KLHL29: variants seen among roughly 807,000 people sequenced by gnomAD.
KLHL29 encodes kelch like family member 29, also known as kelch-like protein 29.
A neutral mutation model predicts 80.4 loss-of-function variants in KLHL29; 21 were observed. That is an observed-to-expected ratio of 0.26 (90% CI 0.19 to 0.38). The LOEUF (loss-of-function observed/expected upper bound fraction) is 0.38. KLHL29 is among the 10% of genes least tolerant of loss of function. The pLI, the probability that KLHL29 is intolerant of heterozygous loss-of-function variation, is 1.00. For missense variants in KLHL29, 867 were observed against 1,223.9 expected (o/e 0.71, Z 4.35); for synonymous variants, 511 against 526.8 (o/e 0.97, Z 0.41).
At chr2:23,396,935 G>A (rs1409014692) in intron 1 of KLHL29, among the ~76,000 whole-genome samples, 1 of 152,196 alleles carries the variant, frequency 6.6e-6, no homozygotes, top group East Asian at 1.9e-4. Flanking sequence ...GCGTGTTTCA[G>A]GGAAGTCGCT....
chr2:23,482,434 G>A (rs927070363), intron 2 of KLHL29, among the ~76,000 whole-genome samples: 20 of 152,252 alleles, frequency 1.3e-4, no homozygotes, highest in African/African-American at 4.8e-4. Flanking sequence ...AGACATGGGT[G>A]CTGACCCCCA....
chr2:23,481,318 T>C (rs1341968828), intron 2 of KLHL29, among the ~76,000 whole-genome samples: 2 of 152,172 alleles, frequency 1.3e-5, no homozygotes, highest in East Asian at 3.9e-4. Flanking sequence ...CCTCCTCCGT[T>C]TCCTGCTCCT....
At chr2:23,678,003 T>G (rs535848227) in intron 5 of KLHL29, among the ~76,000 whole-genome samples, 50 of 152,372 alleles carry the variant, frequency 3.3e-4, no homozygotes, top group Non-Finnish European at 4.7e-4. Context: ...ACTTCTCTGC[T>G]GCAAAGCCAC....
intron 2 of KLHL29, among the ~76,000 whole-genome samples, chr2:23,491,895 G>A (rs188550847): frequency 3.3e-5 from 5 of 152,160 alleles, no homozygotes; most frequent in Non-Finnish European, 7.4e-5. Context: ...AGTGCATCTC[G>A]CCTCCACGTA....
intron 3 of KLHL29, among the ~76,000 whole-genome samples, chr2:23,619,069 G>T (rs11125143): frequency 6.6e-6 from 1 of 152,226 alleles, no homozygotes; most frequent in South Asian, 2.1e-4. Flanking sequence ...CAGGCCCCTC[G>T]GCCCAGGGAA....
intron 2 of KLHL29, among the ~76,000 whole-genome samples, chr2:23,524,991 G>A (rs748251487): frequency 8.5e-5 from 13 of 152,208 alleles, no homozygotes; most frequent in Non-Finnish European, 1.6e-4. Flanking sequence ...TCTCTAAAAT[G>A]TGCTGACATT....
At chr2:23,428,800 G>T (rs1197633524) in intron 1 of KLHL29, among the ~76,000 whole-genome samples, 1 of 152,148 alleles carries the variant, frequency 6.6e-6, no homozygotes, top group African/African-American at 2.4e-5. Flanking sequence ...AATGATTTGG[G>T]GCCGTTGGCT....
chr2:23,400,192 G>A (rs1255823010), intron 1 of KLHL29, among the ~76,000 whole-genome samples: 2 of 152,148 alleles, frequency 1.3e-5, no homozygotes, highest in African/African-American at 2.4e-5. Flanking sequence ...CAGCTCCGAC[G>A]GCCACCTGCA....
rs1056225906 is a variant in KLHL29, at chr2:23,562,449, G to A, written c.253G>A (p.Val85Met). The change falls in exon 3 of 14, where the codon GTG (valine) becomes ATG (methionine). Residue 85 changes from valine (V) to methionine (M), a missense_variant. Transcript: ENST00000486442. The surrounding 1 kb of genome is among the most constrained non-coding windows in gnomAD (Gnocchi z 4.5). Reference protein sequence around the residue: ...TGSSEAITSLVASSASAVTTK... With the variant: ...TGSSEAITSLMASSASAVTTK... ...CAGCAGCGAGGCCATCACCAGCCTC[G>A]TGGCCAGCTCTGCGTCTGCGGTCAC... 7.8e-6 allele frequency: 12 copies of A among 1,536,706 alleles called. No homozygotes were observed. Among genetic ancestry groups the A allele is most frequent in the East Asian group, 7.3e-5 (3 of 40,890 alleles).
chr2:23,598,108 C>T (rs1421820909), intron 3 of KLHL29, among the ~76,000 whole-genome samples: 1 of 152,204 alleles, frequency 6.6e-6, no homozygotes, highest in Non-Finnish European at 1.5e-5. Flanking sequence ...TAATAACCAG[C>T]CTGAGTACCT....
intron 3 of KLHL29, among the ~76,000 whole-genome samples, chr2:23,624,795 A>G (rs1309760592): frequency 6.6e-6 from 1 of 152,212 alleles, no homozygotes; most frequent in Non-Finnish European, 1.5e-5. Flanking sequence ...CGGGTCCCCT[A>G]AAAGTACTAA....
intron 2 of KLHL29, among the ~76,000 whole-genome samples, chr2:23,561,795 G>A (rs1252051298): frequency 6.6e-6 from 1 of 152,078 alleles, no homozygotes; most frequent in African/African-American, 2.4e-5. Flanking sequence ...AGGAGTTCAC[G>A]GCTCTTTTTT....
intron 11 of KLHL29, among the ~76,000 whole-genome samples, chr2:23,701,392 A>C (rs1672356156): frequency 6.6e-6 from 1 of 152,152 alleles, no homozygotes; most frequent in African/African-American, 2.4e-5. Flanking sequence ...TAGATGCCAA[A>C]TTTGATCACA....
chr2:23,655,067 CA>C (rs1219411699), intron 5 of KLHL29, among the ~76,000 whole-genome samples: 1 of 152,298 alleles, frequency 6.6e-6, no homozygotes, highest in East Asian at 1.9e-4. Context: ...TCCTCATCTC[CA>C]AAACCGTTGT....
At chr2:23,582,177 C>T (rs1331533524) in intron 3 of KLHL29, among the ~76,000 whole-genome samples, 1 of 152,178 alleles carries the variant, frequency 6.6e-6, no homozygotes, top group Non-Finnish European at 1.5e-5. Context: ...GAAGAAAAAT[C>T]TTTCTCGAAT....
intron 2 of KLHL29, among the ~76,000 whole-genome samples, chr2:23,556,543 C>A (rs550170186): frequency 6.6e-6 from 1 of 151,676 alleles, no homozygotes; most frequent in Non-Finnish European, 1.5e-5. Context: ...TCCTGTAATA[C>A]GCAGGAGGCT....
chr2:23,641,417 C>G (rs913341188), intron 4 of KLHL29, among the ~76,000 whole-genome samples: 1 of 152,204 alleles, frequency 6.6e-6, no homozygotes. Flanking sequence ...TCCCCTCCTG[C>G]GAGGACCATG....
chr2:23,594,331 G>A (rs938290341), intron 3 of KLHL29, among the ~76,000 whole-genome samples: 6 of 152,052 alleles, frequency 3.9e-5, no homozygotes, highest in East Asian at 3.9e-4. Flanking sequence ...AGTCTGAGGC[G>A]CCCGCAGACT....
intron 5 of KLHL29, among the ~76,000 whole-genome samples, chr2:23,677,925 G>T (rs1171868645): frequency 6.6e-6 from 1 of 152,228 alleles, no homozygotes; most frequent in African/African-American, 2.4e-5. Context: ...CACCTAGCTG[G>T]GTTCTTACTT....
Sources: allele counts gnomAD v4.1 joint callset (sites outside exome capture counted in the v4.1 genomes callset), GRCh38; gene constraint gnomAD v4.1.1; non-coding constraint Gnocchi (gnomAD v3.1); transcripts MANE v1.5; gene names NCBI Gene and HGNC (gene_info 2026-07-23, HGNC 2026-07-21).